SYNE1: variants seen among roughly 807,000 people sequenced by gnomAD.
SYNE1 encodes the protein spectrin repeat containing nuclear envelope protein 1, also known as nesprin-1.
SYNE1 carries 616 observed loss-of-function variants against 1,111.0 expected under a neutral mutation model. The ratio of observed to expected loss-of-function variants is 0.55; its 90% CI spans 0.52 to 0.59. SYNE1 has a LOEUF of 0.59. SYNE1 is among the 20% of genes least tolerant of loss of function. SYNE1 has a pLI of 0.00. For synonymous variants in SYNE1, 3,855 were observed against 3,825.8 expected, an observed-to-expected ratio of 1.01 and a Z score of -0.28; for missense variants, 10,006 against 10,417.0, an observed-to-expected ratio of 0.96 and a Z score of 1.72.
At chr6:152,553,720 A>G (rs1167722175) in intron 3 of SYNE1, among the ~76,000 whole-genome samples, 1 of 152,152 alleles carries the variant, frequency 6.6e-6, no homozygotes, top group Non-Finnish European at 1.5e-5. Flanking sequence ...ACATGTCTAT[A>G]TTTGCATCTG....
intron 98 of SYNE1, among the ~76,000 whole-genome samples, chr6:152,270,145 T>A (rs1342946137): frequency 6.6e-6 from 1 of 152,194 alleles, no homozygotes; most frequent in Admixed American, 6.5e-5. Context: ...TTCCTAGAAT[T>A]CTCTATCTTT....
chr6:152,386,676 A>G (rs1340649951), intron 54 of SYNE1, among the ~76,000 whole-genome samples: 1 of 152,202 alleles, frequency 6.6e-6, no homozygotes, highest in African/African-American at 2.4e-5. Context: ...GATGAACACA[A>G]TATTTCGTAC....
chr6:152,260,063 G>GC (rs2091728422), intron 101 of SYNE1, among the ~76,000 whole-genome samples: 1 of 152,148 alleles, frequency 6.6e-6, no homozygotes, highest in Admixed American at 6.5e-5. Flanking sequence ...GAAGATGAAA[G>GC]CGGGTAATGG....
chr6:152,196,019 C>T (rs540658220), intron 127 of SYNE1, among the ~76,000 whole-genome samples: 1 of 152,326 alleles, frequency 6.6e-6, no homozygotes, highest in South Asian at 2.1e-4. Flanking sequence ...CTTCCCTTCC[C>T]TGTCCCAGGC....
chr6:152,554,406 C>G (rs1433803916), intron 3 of SYNE1, among the ~76,000 whole-genome samples: 1 of 151,770 alleles, frequency 6.6e-6, no homozygotes, highest in Admixed American at 6.6e-5. Context: ...ACAAAGTGTT[C>G]AAGGCCCACT....
intron 9 of SYNE1, among the ~76,000 whole-genome samples, chr6:152,503,107 A>G (rs1026703963): frequency 6.6e-6 from 1 of 152,196 alleles, no homozygotes; most frequent in African/African-American, 2.4e-5. Flanking sequence ...ATAGAACACA[A>G]ATAATATGTA....
At chr6:152,417,358 C>G (rs577664480) in intron 40 of SYNE1, among the ~76,000 whole-genome samples, 8 of 152,090 alleles carry the variant, frequency 5.3e-5, no homozygotes, top group Non-Finnish European at 1.2e-4. Flanking sequence ...ATTATCCAGG[C>G]GTGGTGGTGG....
chr6:152,305,377 T>G (rs532437186), intron 91 of SYNE1, among the ~76,000 whole-genome samples: 66 of 152,276 alleles, frequency 4.3e-4, no homozygotes, highest in African/African-American at 1.4e-3. Flanking sequence ...GCGATTCTCC[T>G]GTCTCAGCCT....
At chr6:152,263,033 C>T (rs1300855864) in intron 100 of SYNE1, among the ~76,000 whole-genome samples, 1 of 149,964 alleles carries the variant, frequency 6.7e-6, no homozygotes, top group African/African-American at 2.5e-5. Flanking sequence ...AGTACAGGGC[C>T]TGGGAAGGTA....
chr6:152,322,308 A>G (rs1191083999), intron 82 of SYNE1, among the ~76,000 whole-genome samples: 1 of 152,232 alleles, frequency 6.6e-6, no homozygotes, highest in African/African-American at 2.4e-5. Context: ...TTAATAATGT[A>G]CAAATTTCAA....
Position 152,278,221 on chromosome 6 carries a change from A to G in SYNE1, c.18441T>C (p.Asn6147=), listed in dbSNP as rs558367406. The change falls in exon 98 of 146, where the codon AAT becomes AAC. Residue 6147 remains asparagine (N), a synonymous_variant. Transcript: ENST00000367255. ...VVALSELSVH[N]ENLLLEGKAH... is the part of the protein sequence containing the mutation. ...CTTTGCCCTCCAGCAGCAGGTTCTC[A>G]TTGTGGACTGACAGTTCTGATAAAG... 171 of 1,614,098 alleles carry G rather than the reference A, an allele frequency of 1.1e-4. 2 individuals carry two copies. In the South Asian group the frequency reaches 1.1e-3, roughly 10 times the overall value.
chr6:152,404,912 T>C (rs1207634645), intron 45 of SYNE1: 1 of 152,556 alleles, frequency 6.6e-6, no homozygotes, highest in Non-Finnish European at 1.5e-5. Context: ...GCTTGTAAAC[T>C]TCATTAGTTA....
chr6:152,441,940 G>T, intron 31 of SYNE1, 135 bp downstream of exon 31: 3 of 1,066,898 alleles, frequency 2.8e-6, no homozygotes, highest in South Asian at 1.3e-5. Context: ...TTAAAAGATG[G>T]TTCATGTACA....
chr6:152,605,006 A>AG (rs2099608990), intron 3 of SYNE1, among the ~76,000 whole-genome samples: 5 of 25,588 alleles, frequency 2.0e-4, no homozygotes, highest in African/African-American at 3.8e-4. Flanking sequence ...GAAAGAAAGA[A>AG]AGAGAGAGAG....
intron 4 of SYNE1, among the ~76,000 whole-genome samples, chr6:152,527,869 C>T (rs1170641763): frequency 6.6e-6 from 1 of 152,168 alleles, no homozygotes; most frequent in African/African-American, 2.4e-5. Flanking sequence ...TTGAGGAACA[C>T]GTCCTCTCAC....
At chr6:152,564,423 C>A (rs1202720496) in intron 3 of SYNE1, among the ~76,000 whole-genome samples, 1 of 152,142 alleles carries the variant, frequency 6.6e-6, no homozygotes, top group African/African-American at 2.4e-5. Context: ...CTCCAGCAAT[C>A]TTCCTGCCTC....
chr6:152,210,104 G>A (rs1305779318), intron 124 of SYNE1, among the ~76,000 whole-genome samples: 11 of 152,140 alleles, frequency 7.2e-5, no homozygotes, highest in East Asian at 1.9e-4. Context: ...TCTAAAAAAC[G>A]TAACTCATAA....
At chr6:152,483,752 T>C (rs1182637643) in intron 13 of SYNE1, among the ~76,000 whole-genome samples, 2 of 152,128 alleles carry the variant, frequency 1.3e-5, no homozygotes, top group African/African-American at 2.4e-5. Context: ...ATTCTTTCTA[T>C]AATCCTATGA....
chr6:152,142,354 G>A (rs574184296), intron 138 of SYNE1, among the ~76,000 whole-genome samples: 15 of 152,198 alleles, frequency 9.9e-5, no homozygotes, highest in African/African-American at 2.9e-4. Context: ...TTAATGTTAC[G>A]ACAAATCTCA....
Sources: gnomAD v4.1 joint callset for allele counts (sites outside exome capture counted in the v4.1 genomes callset) on GRCh38, gnomAD v4.1.1 for gene constraint, MANE v1.5 for transcripts, NCBI Gene and HGNC (gene_info 2026-07-23, HGNC 2026-07-21) for gene names.